Variants in REC114 observed in about 807,000 individuals in gnomAD.
REC114 encodes the protein REC114 meiotic recombination protein, also known as meiotic recombination protein REC114.
REC114 carries 27 observed loss-of-function variants against 31.3 expected under a neutral mutation model. The ratio of observed to expected loss-of-function variants is 0.86; its 90% CI spans 0.64 to 1.19. The LOEUF (loss-of-function observed/expected upper bound fraction) is 1.19. REC114 is among the 50% of genes most tolerant of loss of function. The pLI, the probability that REC114 is intolerant of heterozygous loss-of-function variation, is 0.00. For missense variants in REC114, 344 were observed against 326.9 expected, an observed-to-expected ratio of 1.05 and a Z score of -0.40; for synonymous variants, 134 against 127.7, an observed-to-expected ratio of 1.05 and a Z score of -0.33.
intron 1 of REC114, among the ~76,000 whole-genome samples, chr15:73,456,901 C>A (rs1892922669): frequency 6.6e-6 from 1 of 152,050 alleles, no homozygotes; most frequent in Admixed American, 6.5e-5. Context: ...GATTAACACA[C>A]AGGATAAAAA....
intron 2 of REC114, among the ~76,000 whole-genome samples, chr15:73,484,355 C>T (rs189908281): frequency 2.6e-5 from 4 of 152,232 alleles, no homozygotes; most frequent in African/African-American, 7.2e-5. Context: ...CTTCTGCCAC[C>T]TGCTTCTTTG....
intron 1 of REC114, among the ~76,000 whole-genome samples, chr15:73,447,017 G>A (rs776013727): frequency 7.9e-5 from 12 of 152,182 alleles, no homozygotes; most frequent in Non-Finnish European, 1.5e-4. Context: ...GGGATATTGG[G>A]AATATATTTT....
At chr15:73,460,153 AAATCTT>A (rs1166389297) in intron 1 of REC114, among the ~76,000 whole-genome samples, 1 of 152,174 alleles carries the variant, frequency 6.6e-6, no homozygotes, top group Non-Finnish European at 1.5e-5. Flanking sequence ...TCAGTAAACA[AAATCTT>A]AATTTTATTG....
intron 2 of REC114, among the ~76,000 whole-genome samples, chr15:73,528,958 C>T (rs1271545491): frequency 6.6e-6 from 1 of 151,836 alleles, no homozygotes; most frequent in Non-Finnish European, 1.5e-5. Flanking sequence ...ATATGTGGAC[C>T]TTATTTGGAT....
intron 2 of REC114, among the ~76,000 whole-genome samples, chr15:73,485,208 C>T (rs950297333): frequency 6.6e-5 from 10 of 152,084 alleles, no homozygotes; most frequent in African/African-American, 2.2e-4. Flanking sequence ...CTCAGCCTCC[C>T]GAGTAGCTGG....
chr15:73,476,579 T>C (rs2141294646), intron 2 of REC114, among the ~76,000 whole-genome samples: 1 of 152,356 alleles, frequency 6.6e-6, no homozygotes, highest in Non-Finnish European at 1.5e-5. Context: ...AATTAACATA[T>C]GCATTACCTC....
chr15:73,473,109 G>A (rs2141292935), intron 1 of REC114, among the ~76,000 whole-genome samples: 1 of 152,276 alleles, frequency 6.6e-6, no homozygotes, highest in East Asian at 1.9e-4. Flanking sequence ...AAAATGGAGG[G>A]CTGGGTGCGA....
At chr15:73,556,670 GA>G (rs2141339085) in intron 5 of REC114, among the ~76,000 whole-genome samples, 1 of 152,186 alleles carries the variant, frequency 6.6e-6, no homozygotes, top group African/African-American at 2.4e-5. Context: ...GTCCAATATA[GA>G]AAATTTAATC....
Position 73,466,646 on chromosome 15 carries a change from C to T in REC114, c.160-7186C>T, listed in dbSNP as rs576769552. 1.8e-4 allele frequency among the ~76,000 whole-genome samples: 28 copies of T among 152,262 alleles called. No homozygotes were observed. In the East Asian group the frequency reaches 4.8e-3, roughly 26 times the overall value. The stretch of plus-strand genomic sequence containing the variant: ...TAAAATTGTTGATATGTTTTATCCC[C>T]TCTTAACGTTCTTTAGTTTCAAAAC... On this transcript the variant is annotated intron_variant, in intron 1 of 5. Coordinates refer to ENST00000331090, the MANE Select transcript of REC114 (RefSeq NM_001042367.2).
At chr15:73,466,263 A>G (rs1893057372) in intron 1 of REC114, among the ~76,000 whole-genome samples, 1 of 152,124 alleles carries the variant, frequency 6.6e-6, no homozygotes, top group Non-Finnish European at 1.5e-5. Flanking sequence ...AAGTAAAATT[A>G]AGCATTTCCG....
chr15:73,444,423 C>T (rs144828990), intron 1 of REC114, among the ~76,000 whole-genome samples: 2,816 of 152,326 alleles, frequency 0.018, 38 homozygotes, highest in Middle Eastern at 0.031. Flanking sequence ...GCAATGTTCA[C>T]GGCATCTTCA....
chr15:73,477,800 T>C (rs1893235190), intron 2 of REC114, among the ~76,000 whole-genome samples: 1 of 152,200 alleles, frequency 6.6e-6, no homozygotes, highest in Admixed American at 6.5e-5. Flanking sequence ...TTATGAATTT[T>C]TTTAGTATTA....
At chr15:73,443,482 C>A in intron 1 of REC114, 138 bp downstream of exon 1, 2 of 1,019,950 alleles carry the variant, frequency 2.0e-6, no homozygotes, top group African/African-American at 1.6e-5. Flanking sequence ...GGGGAATGGA[C>A]AGGCCGACAA....
intron 2 of REC114, among the ~76,000 whole-genome samples, chr15:73,538,842 A>G (rs1416484087): frequency 1.3e-5 from 2 of 151,808 alleles, no homozygotes; most frequent in Non-Finnish European, 2.9e-5. Flanking sequence ...GAGTACCACA[A>G]TTTACTTAAC....
chr15:73,556,381 A>T lies in REC114; in HGVS notation c.626A>T (p.Gln209Leu), dbSNP rs767789564. The T allele has an allele frequency of 2.4e-5, 38 of 1,613,356 alleles. No homozygotes were observed. The highest frequency in any genetic ancestry group is 3.1e-5 in the Non-Finnish European group (37 of 1,179,592). ...GAPDGRTSLTQLAQTLLASEE... is the reference protein window; with the variant it reads ...GAPDGRTSLTLLAQTLLASEE... ...CCAGACGGAAGGACCTCACTGACGC[A>T]GTTAGCTCAGGTAGAGCTTATTTCT... Residue 209 changes from glutamine (Q) to leucine (L), a missense_variant, in exon 5 of 6, where the codon CAG becomes CTG. By Grantham distance (113) the Gln-to-Leu change is moderately radical. Transcript: ENST00000331090.
At chr15:73,538,461 T>C (rs2141328930) in intron 2 of REC114, among the ~76,000 whole-genome samples, 1 of 149,390 alleles carries the variant, frequency 6.7e-6, no homozygotes, top group South Asian at 2.1e-4. Flanking sequence ...ATTTCTTTTT[T>C]TTTTTTTTTT....
chr15:73,503,783 G>A (rs1185554586), intron 2 of REC114, among the ~76,000 whole-genome samples: 6 of 151,956 alleles, frequency 3.9e-5, no homozygotes, highest in Non-Finnish European at 2.9e-5. Context: ...CTACTAGCTT[G>A]TTTGGCTTTT....
At chr15:73,498,253 AT>A (rs1230679706) in intron 2 of REC114, among the ~76,000 whole-genome samples, 1 of 151,872 alleles carries the variant, frequency 6.6e-6, no homozygotes, top group Non-Finnish European at 1.5e-5. Flanking sequence ...TCCTCATTAA[AT>A]TTCTGAATCA....
At chr15:73,538,497 C>T (rs1298215035) in intron 2 of REC114, among the ~76,000 whole-genome samples, 1 of 143,792 alleles carries the variant, frequency 7.0e-6, no homozygotes, top group Admixed American at 7.3e-5. Context: ...TGCTCTTTCG[C>T]CCAGGCCAGA....
Sources: allele counts gnomAD v4.1 joint callset (sites outside exome capture counted in the v4.1 genomes callset), GRCh38; gene constraint gnomAD v4.1.1; transcripts MANE v1.5; gene names NCBI Gene and HGNC (gene_info 2026-07-23, HGNC 2026-07-21).